GALNT17: variants seen among roughly 807,000 people sequenced by gnomAD.
GALNT17 encodes the protein polypeptide N-acetylgalactosaminyltransferase 17, also known as UDP-GalNAc:polypeptide N-acetylgalactosaminyltransferase-like 3.
In GALNT17, 29 loss-of-function variants were observed where a neutral mutation model predicts 63.7. The ratio of observed to expected loss-of-function variants is 0.46; its 90% CI spans 0.34 to 0.62. GALNT17 has a LOEUF of 0.62. GALNT17 is among the 20% of genes least tolerant of loss of function. The pLI is 0.01. For missense variants in GALNT17, 603 were observed against 799.6 expected (o/e 0.75, Z 2.97); for synonymous variants, 305 against 318.3 (o/e 0.96, Z 0.45).
chr7:71,546,337 T>C (rs1220328995), intron 5 of GALNT17, among the ~76,000 whole-genome samples: 1 of 151,986 alleles, frequency 6.6e-6, no homozygotes, highest in South Asian at 2.1e-4. Flanking sequence ...ATTTTTATAA[T>C]TTTTAGTAGA....
intron 3 of GALNT17, among the ~76,000 whole-genome samples, chr7:71,409,981 C>T (rs1319321860): frequency 6.6e-6 from 1 of 152,144 alleles, no homozygotes; most frequent in African/African-American, 2.4e-5. Flanking sequence ...TTGTGGGGTC[C>T]TTCAGACCAG....
At chr7:71,478,780 A>C (rs191529958) in intron 5 of GALNT17, among the ~76,000 whole-genome samples, 54 of 152,328 alleles carry the variant, frequency 3.5e-4, no homozygotes, top group African/African-American at 1.2e-3. Flanking sequence ...AAAATGTATC[A>C]TGCAAAACCC....
intron 5 of GALNT17, among the ~76,000 whole-genome samples, chr7:71,481,162 G>A (rs1429361197): frequency 6.6e-6 from 1 of 152,122 alleles, no homozygotes; most frequent in African/African-American, 2.4e-5. Context: ...AAAGCTGGGT[G>A]TGGGCCGGGC....
At chr7:71,198,130 G>A (rs1043410322) in intron 1 of GALNT17, among the ~76,000 whole-genome samples, 4 of 151,188 alleles carry the variant, frequency 2.6e-5, no homozygotes, top group South Asian at 2.1e-4. Flanking sequence ...CCCAGGAGGC[G>A]GAGGTTGCAG....
chr7:71,210,254 C>T (rs138470260), intron 1 of GALNT17, among the ~76,000 whole-genome samples: 222 of 152,258 alleles, frequency 1.5e-3, no homozygotes, highest in South Asian at 8.9e-3. Flanking sequence ...AATTATCTCC[C>T]CCTGGGTCCG....
At chr7:71,684,149 C>G (rs553510221) in intron 9 of GALNT17, among the ~76,000 whole-genome samples, 1 of 152,128 alleles carries the variant, frequency 6.6e-6, no homozygotes, top group Non-Finnish European at 1.5e-5. Context: ...CCCTCCTGCA[C>G]CCAGGCCCAG....
At position 71,627,801 on chromosome 7, in the gene GALNT17, GC is replaced by G. The variant is rs536493615; in HGVS notation, c.1081-37603del. ...TCAGCTATCAACTGCCAAGAACAAT[GC>G]CCCCCCGCCCCATAGACTTGTACAT... On this transcript the variant is annotated intron_variant, in intron 6 of 10. Transcript: ENST00000333538. Among the ~76,000 whole-genome samples, 61 of 152,048 alleles carry G rather than the reference GC, an allele frequency of 4.0e-4. No individual in the cohort carries two copies. In the South Asian group the frequency reaches 8.3e-3, roughly 21 times the overall value.
At chr7:71,292,747 A>G (rs547647114) in intron 1 of GALNT17, among the ~76,000 whole-genome samples, 1 of 150,482 alleles carries the variant, frequency 6.6e-6, no homozygotes, top group East Asian at 2.0e-4. Context: ...TTATTAAATT[A>G]CAGTATACAA....
At chr7:71,538,217 G>A (rs1196793321) in intron 5 of GALNT17, among the ~76,000 whole-genome samples, 3 of 152,198 alleles carry the variant, frequency 2.0e-5, no homozygotes, top group Non-Finnish European at 4.4e-5. Flanking sequence ...TAAGATGAAA[G>A]AGAAAATTCT....
intron 6 of GALNT17, among the ~76,000 whole-genome samples, chr7:71,603,678 A>G (rs542422731): frequency 1.1e-3 from 161 of 152,162 alleles, no homozygotes; most frequent in Non-Finnish European, 1.5e-3. Flanking sequence ...AAGTGCATAC[A>G]CTAACTACTA....
At chr7:71,536,245 G>A (rs1670386359) in intron 5 of GALNT17, among the ~76,000 whole-genome samples, 1 of 152,270 alleles carries the variant, frequency 6.6e-6, no homozygotes, top group African/African-American at 2.4e-5. Flanking sequence ...GCCTTTGGGA[G>A]GCTCCTAGAT....
At chr7:71,147,131 C>G (rs898266726) in intron 1 of GALNT17, among the ~76,000 whole-genome samples, 1 of 152,094 alleles carries the variant, frequency 6.6e-6, no homozygotes, top group African/African-American at 2.4e-5. Flanking sequence ...ATTGTAGGGT[C>G]CTTTAACTCT....
At chr7:71,346,026 T>TAAAAAA (rs35499113) in intron 2 of GALNT17, among the ~76,000 whole-genome samples, 13 of 127,222 alleles carry the variant, frequency 1.0e-4, no homozygotes, top group African/African-American at 3.8e-4. Flanking sequence ...TACTAAAAAT[T>TAAAAAA]AAAAAAAAAA....
At chr7:71,221,075 G>A (rs1789574210) in intron 1 of GALNT17, among the ~76,000 whole-genome samples, 1 of 152,074 alleles carries the variant, frequency 6.6e-6, no homozygotes, top group Admixed American at 6.6e-5. Context: ...TCTCCATCTG[G>A]GATCTAGACT....
chr7:71,334,313 G>A (rs943269541), intron 1 of GALNT17, among the ~76,000 whole-genome samples: 1 of 152,204 alleles, frequency 6.6e-6, no homozygotes, highest in Non-Finnish European at 1.5e-5. Context: ...CTTAGGGGAT[G>A]TCTTCGTGGG....
intron 5 of GALNT17, among the ~76,000 whole-genome samples, chr7:71,562,199 A>C (rs1260480728): frequency 6.6e-6 from 1 of 152,066 alleles, no homozygotes; most frequent in South Asian, 2.1e-4. Flanking sequence ...TCCTGGACTC[A>C]AGCAATCCTC....
intron 1 of GALNT17, among the ~76,000 whole-genome samples, chr7:71,165,597 C>T (rs572856177): frequency 1.1e-4 from 16 of 152,266 alleles, no homozygotes; most frequent in Non-Finnish European, 1.3e-4. Flanking sequence ...TATCTCCCAC[C>T]GGGTCCCTCA....
At chr7:71,538,271 A>G (rs1788831930) in intron 5 of GALNT17, among the ~76,000 whole-genome samples, 1 of 152,272 alleles carries the variant, frequency 6.6e-6, no homozygotes. Context: ...AGTCCACTTG[A>G]AACCCTGGAA....
intron 2 of GALNT17, among the ~76,000 whole-genome samples, chr7:71,369,370 C>T (rs1792574531): frequency 6.6e-6 from 1 of 152,134 alleles, no homozygotes; most frequent in African/African-American, 2.4e-5. Context: ...GAGTTCCTGC[C>T]TCATGTATCC....
Sources: gnomAD v4.1 joint callset for allele counts (sites outside exome capture counted in the v4.1 genomes callset) on GRCh38, gnomAD v4.1.1 for gene constraint, MANE v1.5 for transcripts, NCBI Gene and HGNC (gene_info 2026-07-23, HGNC 2026-07-21) for gene names.